Variants in MARCHF10 observed in about 807,000 individuals in gnomAD.
MARCHF10 encodes the protein probable E3 ubiquitin-protein ligase MARCHF10.
A neutral mutation model predicts 76.2 loss-of-function variants in MARCHF10; 64 were observed. The ratio of observed to expected loss-of-function variants is 0.84; its 90% confidence interval spans 0.69 to 1.03. The LOEUF (loss-of-function observed/expected upper bound fraction) is 1.03. Among genes scored for constraint, MARCHF10 ranks in the 50% least tolerant of loss-of-function variants. The probability of loss-of-function intolerance (pLI) is 0.00; values close to 1 mark genes in which losing one functional copy is unlikely to be tolerated. For synonymous variants in MARCHF10, 340 were observed against 357.5 expected (o/e 0.95, Z 0.55); for missense variants, 875 against 958.0 (o/e 0.91, Z 1.14).
chr17:62,807,606 T>C (rs1294994016), intron 1 of MARCHF10, among the ~76,000 whole-genome samples: 6 of 151,942 alleles, frequency 3.9e-5, no homozygotes, highest in Middle Eastern at 3.2e-3. Context: ...TTACAAATAA[T>C]TTAAAACATT....
At chr17:62,724,836 C>T (rs933958311) in intron 7 of MARCHF10, 102 bp downstream of exon 7, 99 of 1,289,180 alleles carry the variant, frequency 7.7e-5, no homozygotes, top group Non-Finnish European at 9.3e-5. Flanking sequence ...CGCTGTTCTG[C>T]GGAGGAGAGT....
chr17:62,744,545 C>A lies in MARCHF10; in HGVS notation c.383-17G>T, dbSNP rs1387382254. The A allele has an allele frequency of 6.2e-7, 1 of 1,610,542 alleles. No homozygotes were observed. Among genetic ancestry groups the A allele is most frequent in the Non-Finnish European group, 8.5e-7 (1 of 1,179,234 alleles). ...CTTGGTCTGCTGAAAGATGCAAAGT[C>A]TTTTCAATAATTATTTTGTTTACAG... On this transcript the variant is annotated splice_polypyrimidine_tract_variant and intron_variant, in intron 4 of 10. Transcript: ENST00000311269.
At chr17:62,757,817 G>A (rs2092090615) in intron 4 of MARCHF10, among the ~76,000 whole-genome samples, 1 of 152,262 alleles carries the variant, frequency 6.6e-6, no homozygotes, top group South Asian at 2.1e-4. Context: ...TGCCAACTTG[G>A]CTCTGTCACT....
At chr17:62,743,441 A>G (rs984176273) in intron 5 of MARCHF10, among the ~76,000 whole-genome samples, 2 of 152,208 alleles carry the variant, frequency 1.3e-5, no homozygotes, top group Non-Finnish European at 2.9e-5. Flanking sequence ...TGAGGCCAGG[A>G]GTTTGAGACG....
At chr17:62,724,077 G>A (rs531297968) in intron 7 of MARCHF10, among the ~76,000 whole-genome samples, 15 of 152,270 alleles carry the variant, frequency 9.9e-5, no homozygotes, top group African/African-American at 3.4e-4. Flanking sequence ...TATGGAAGAC[G>A]GGGAGAAATA....
At chr17:62,737,525 C>T in intron 5 of MARCHF10, 193 bp from the exon 6 acceptor site, 2 of 592,412 alleles carry the variant, frequency 3.4e-6, no homozygotes, top group South Asian at 2.2e-5. Context: ...CCGTATTCTC[C>T]TTTGTACCCC....
rs2091239715 is a variant in MARCHF10, at chr17:62,735,881, T to G, written c.1937+50A>C. 5.2e-6 allele frequency: 8 copies of G among 1,542,826 alleles called. No individual in the cohort carries two copies. The African/African-American group carries it at 9.8e-5, about 19-fold the overall frequency. ...GGCTCTCTAACGAAAGCAATGCTAA[T>G]TTTGGCCTTGGGAAAGTGGAAAAAA... On this transcript the variant is annotated intron_variant, in intron 6 of 10. Transcript: ENST00000311269.
At chr17:62,722,438 C>T in intron 8 of MARCHF10, 50 bp downstream of exon 8, 1 of 1,308,146 alleles carries the variant, frequency 7.6e-7, no homozygotes, top group South Asian at 1.2e-5. Context: ...TCTCGCCCTG[C>T]CCCTCTAACA....
intron 1 of MARCHF10, among the ~76,000 whole-genome samples, chr17:62,806,905 A>G (rs2093172884): frequency 6.6e-6 from 1 of 152,236 alleles, no homozygotes; most frequent in African/African-American, 2.4e-5. Flanking sequence ...TCAAAGTCTT[A>G]TTGGTTTCTT....
intron 4 of MARCHF10, among the ~76,000 whole-genome samples, chr17:62,754,745 A>G (rs773537095): frequency 1.1e-4 from 16 of 152,172 alleles, no homozygotes; most frequent in Non-Finnish European, 2.1e-4. Flanking sequence ...ATGATTCTCT[A>G]TTAAAAAGTG....
chr17:62,786,907 A>G (rs1238116491), intron 3 of MARCHF10, among the ~76,000 whole-genome samples: 1 of 152,190 alleles, frequency 6.6e-6, no homozygotes, highest in African/African-American at 2.4e-5. Flanking sequence ...AGCAATTCCA[A>G]TCTGGGAAGA....
intron 8 of MARCHF10, among the ~76,000 whole-genome samples, chr17:62,719,910 T>A (rs565994243): frequency 3.7e-4 from 57 of 152,348 alleles, no homozygotes; most frequent in African/African-American, 1.3e-3. Flanking sequence ...GGGCAGTTTC[T>A]ATTGGGATAT....
chr17:62,759,592 C>T (rs779477263), intron 4 of MARCHF10, among the ~76,000 whole-genome samples: 1 of 152,138 alleles, frequency 6.6e-6, no homozygotes, highest in Admixed American at 6.6e-5. Context: ...GATTCTCCTG[C>T]CTCAGCCTCC....
chr17:62,752,338 C>T (rs551904695), intron 4 of MARCHF10, among the ~76,000 whole-genome samples: 7 of 152,186 alleles, frequency 4.6e-5, no homozygotes, highest in Admixed American at 1.3e-4. Context: ...AGCAAGTGCT[C>T]TGGGAGGAAG....
At chr17:62,783,210 T>G (rs2092691608) in intron 3 of MARCHF10, among the ~76,000 whole-genome samples, 2 of 149,098 alleles carry the variant, frequency 1.3e-5, no homozygotes, top group Non-Finnish European at 3.0e-5. Context: ...TTTTTTTTTT[T>G]TTTTTTTTTT....
At chr17:62,795,120 C>T (rs1379386981) in intron 2 of MARCHF10, 1 of 931,434 alleles carries the variant, frequency 1.1e-6, no homozygotes, top group East Asian at 1.2e-4. Flanking sequence ...ACTCCAAACC[C>T]TTGCCACCCG....
chr17:62,736,593 A>G lies in MARCHF10; in HGVS notation c.1275T>C (p.Ile425=), dbSNP rs8068372. Residue 425 remains isoleucine, a synonymous_variant, in exon 6 of 11, where the codon ATT becomes ATC. Coordinates refer to ENST00000311269, the MANE Select transcript of MARCHF10 (RefSeq NM_152598.4). ...VNAENVWSDC[I]SVEHRPGTHD... ...GGGTGCCAGGCCTATGTTCCACAGA[A>G]ATACAATCACTCCATACATTTTCAG... is the stretch of plus-strand genomic sequence containing the variant. 8.8e-3 allele frequency: 14,275 copies of G among 1,614,138 alleles called. 1,028 individuals carry two copies. The African/African-American group carries it at 0.16, about 18-fold the overall frequency.
intron 6 of MARCHF10, among the ~76,000 whole-genome samples, chr17:62,727,075 G>A (rs907354639): frequency 6.6e-6 from 1 of 152,202 alleles, no homozygotes; most frequent in African/African-American, 2.4e-5. Context: ...ACCCTTAGAG[G>A]TTCTGGTTCA....
chr17:62,705,636 C>T (rs2089539760), intron 9 of MARCHF10, 55 bp from the exon 10 acceptor site: 4 of 1,605,240 alleles, frequency 2.5e-6, no homozygotes, highest in Non-Finnish European at 3.4e-6. Flanking sequence ...CGATTGTGAA[C>T]AGATGTATAA....
Sources: gnomAD v4.1 joint callset for allele counts (sites outside exome capture counted in the v4.1 genomes callset) on GRCh38, gnomAD v4.1.1 for gene constraint, MANE v1.5 for transcripts, NCBI Gene and HGNC (gene_info 2026-07-23, HGNC 2026-07-21) for gene names.